The following TENT4B variants were observed in gnomAD, a reference collection of about 807,000 sequenced individuals.
TENT4B encodes the protein terminal nucleotidyltransferase 4B, also known as PAP associated domain containing 5.
In TENT4B, 10 loss-of-function variants were observed where a neutral mutation model predicts 75.0. The observed-to-expected ratio is 0.13, with a 90% CI of 0.08 to 0.23. The LOEUF is 0.23. Ranked by LOEUF, TENT4B falls within the 10% of genes least tolerant of loss-of-function variation. The probability of loss-of-function intolerance (pLI) is 1.00; values close to 1 mark genes in which losing one functional copy is unlikely to be tolerated. For synonymous variants in TENT4B, 350 were observed against 357.7 expected, an observed-to-expected ratio of 0.98 and a Z score of 0.24; for missense variants, 579 against 893.8, an observed-to-expected ratio of 0.65 and a Z score of 4.49.
chr16:50,192,690 A>G (rs1482486550), intron 1 of TENT4B, among the ~76,000 whole-genome samples: 1 of 152,242 alleles, frequency 6.6e-6, no homozygotes, highest in Non-Finnish European at 1.5e-5. Context: ...ATGAATGTAC[A>G]TGACTATTCT....
intron 3 of TENT4B, among the ~76,000 whole-genome samples, chr16:50,215,305 A>G (rs1204878398): frequency 6.6e-6 from 1 of 152,180 alleles, no homozygotes; most frequent in African/African-American, 2.4e-5. Context: ...CTTTACCCCA[A>G]CTTAAAGTGT....
At chr16:50,214,085 G>GA (rs1452433078) in intron 2 of TENT4B, 136 bp from the exon 3 acceptor site, 2 of 653,500 alleles carry the variant, frequency 3.1e-6, no homozygotes, top group Admixed American at 3.2e-5. Flanking sequence ...CTTGGGGTTA[G>GA]AAAAAAATGC....
At chr16:50,228,148 G>T (rs2032140825) in intron 11 of TENT4B, 145 bp downstream of exon 11, 2 of 1,028,852 alleles carry the variant, frequency 1.9e-6, no homozygotes, top group Admixed American at 2.7e-5. Flanking sequence ...TCCAACACAT[G>T]ACAGTGCTTC....
chr16:50,186,101 T>C (rs146142255), intron 1 of TENT4B, among the ~76,000 whole-genome samples: 6 of 152,288 alleles, frequency 3.9e-5, no homozygotes, highest in Admixed American at 1.3e-4. Flanking sequence ...TACAAGTCAG[T>C]GGCATTAAGT....
chr16:50,225,375 C>A, intron 10 of TENT4B, 90 bp downstream of exon 10: 1 of 1,138,776 alleles, frequency 8.8e-7, no homozygotes, highest in South Asian at 1.8e-5. Context: ...AAGGCTACTT[C>A]CTTTGCTTAC....
intron 1 of TENT4B, among the ~76,000 whole-genome samples, chr16:50,198,427 A>T (rs2030419144): frequency 6.6e-6 from 1 of 151,802 alleles, no homozygotes; most frequent in Non-Finnish European, 1.5e-5. Flanking sequence ...TAAAAAAAAA[A>T]AAAAAAGAAG....
intron 1 of TENT4B, among the ~76,000 whole-genome samples, chr16:50,183,404 G>A (rs2038461476): frequency 1.3e-5 from 2 of 151,994 alleles, no homozygotes; most frequent in African/African-American, 4.8e-5. Context: ...GTGTTCATTG[G>A]AGTGTGTGTG....
At chr16:50,211,288 C>A (rs766052597) in intron 1 of TENT4B, 35 bp from the exon 2 acceptor site, 1 of 1,574,570 alleles carries the variant, frequency 6.4e-7, no homozygotes, top group South Asian at 1.2e-5. Context: ...TTAGATTGGC[C>A]CTGTTCATAT....
At chr16:50,195,331 T>A (rs1011168690) in intron 1 of TENT4B, among the ~76,000 whole-genome samples, 13 of 152,222 alleles carry the variant, frequency 8.5e-5, no homozygotes, top group Non-Finnish European at 1.5e-4. Flanking sequence ...TATCTCATCA[T>A]ATAGCTTTGA....
In TENT4B at chr16:50,233,358, T is replaced by G. The variant is rs62028294; in HGVS notation, c.*4030T>G. ...AAGTGTTAAAGATCAAATTTTAATATGCTTCTCGATATTTAACATAGCTAA... is the reference window on the plus strand; with the variant it reads ...AAGTGTTAAAGATCAAATTTTAATAGGCTTCTCGATATTTAACATAGCTAA... On this transcript the variant is annotated 3_prime_UTR_variant, in exon 12 of 12. Coordinates refer to ENST00000561678, the MANE Select transcript of TENT4B (RefSeq NM_001365324.3). 33,932 of 985,410 alleles carry G rather than the reference T, an allele frequency of 0.034. 679 individuals carry two copies. Among genetic ancestry groups the G allele is most frequent in the Middle Eastern group, 0.042 (80 of 1,914 alleles). 61.0% of individuals were successfully genotyped at this position (985,410 alleles called of 1,614,324 possible).
At chr16:50,221,514 G>A (rs2031826554) in intron 5 of TENT4B, among the ~76,000 whole-genome samples, 2 of 152,204 alleles carry the variant, frequency 1.3e-5, no homozygotes, top group African/African-American at 2.4e-5. Context: ...ATCAGCCCAT[G>A]TGCAAGTCAG....
intron 1 of TENT4B, among the ~76,000 whole-genome samples, chr16:50,155,382 T>A (rs1454276520): frequency 6.6e-6 from 1 of 151,206 alleles, no homozygotes; most frequent in African/African-American, 2.4e-5. Context: ...ATTGAGGGCT[T>A]TAGCATGCAA....
chr16:50,208,023 AC>A (rs2031079154), intron 1 of TENT4B, among the ~76,000 whole-genome samples: 2 of 152,202 alleles, frequency 1.3e-5, no homozygotes, highest in South Asian at 4.1e-4. Context: ...TGAGTATTTC[AC>A]ACGTAGCTAG....
intron 1 of TENT4B, among the ~76,000 whole-genome samples, chr16:50,172,562 CAT>C (rs1351776808): frequency 1.4e-5 from 2 of 147,834 alleles, no homozygotes; most frequent in Non-Finnish European, 3.0e-5. Flanking sequence ...AGCAGGAGTA[CAT>C]AGTTTCTCTA....
rs1043850374 is a variant in TENT4B at position 50,154,051 on chromosome 16, G to T, written c.430G>T (p.Ala144Ser). The T allele has an allele frequency of 2.0e-6, 3 of 1,530,338 alleles. No individual in the cohort carries two copies. The highest frequency in any genetic ancestry group is 2.6e-6 in the Non-Finnish European group (3 of 1,144,646). 94.8% of individuals were successfully genotyped at this position (1,530,338 alleles called of 1,614,324 possible). The change falls in exon 1 of 12, where the codon GCC becomes TCC. Residue 144 changes from alanine to serine, a missense_variant. Coordinates refer to ENST00000561678, the MANE Select transcript of TENT4B (RefSeq NM_001365324.3). ...GTCCTCGTCCCCGCACCCTTCGGCC[G>T]CCGTCCCCGCCGCCGATCCAGCCGA... The part of the protein sequence containing the change: ...SASSSPHPSA[A>S]VPAADPADSA...
At chr16:50,187,215 C>T (rs940019676) in intron 1 of TENT4B, among the ~76,000 whole-genome samples, 1 of 152,212 alleles carries the variant, frequency 6.6e-6, no homozygotes, top group Non-Finnish European at 1.5e-5. Context: ...TTTCTTTCTG[C>T]AGTTTTATGA....
rs1217394335 is a variant in TENT4B, at chr16:50,235,117, G to A, written c.*5789G>A. 2.5e-6 allele frequency: 2 copies of A among 795,560 alleles called. No individual in the cohort carries two copies. The highest frequency in any genetic ancestry group is 1.3e-4 in the East Asian group (1 of 7,904). The allele number at this position is 795,560 out of a possible 1,614,324, so 49.3% of individuals were successfully genotyped here. On this transcript the variant is annotated 3_prime_UTR_variant, in exon 12 of 12. Coordinates refer to ENST00000561678, the MANE Select transcript of TENT4B (RefSeq NM_001365324.3). ...GCCGTATCACTGGGCAACCAGTGAT[G>A]AAAACTATGAATGAATTGCACACCT...
At chr16:50,215,196 G>C (rs1462711974) in intron 3 of TENT4B, among the ~76,000 whole-genome samples, 1 of 152,142 alleles carries the variant, frequency 6.6e-6, no homozygotes, top group African/African-American at 2.4e-5. Context: ...GAAATTGTTT[G>C]AACATTCCAT....
At chr16:50,196,698 C>T (rs932956376) in intron 1 of TENT4B, among the ~76,000 whole-genome samples, 5 of 150,998 alleles carry the variant, frequency 3.3e-5, no homozygotes, top group Non-Finnish European at 7.4e-5. Flanking sequence ...GAGGCCAAGG[C>T]GGGCAGATCG....
Sources: gnomAD v4.1 joint callset for allele counts (sites outside exome capture counted in the v4.1 genomes callset) on GRCh38, gnomAD v4.1.1 for gene constraint, MANE v1.5 for transcripts, NCBI Gene and HGNC (gene_info 2026-07-23, HGNC 2026-07-21) for gene names.